The following ZFHX3 variants were observed in gnomAD, a reference collection of about 807,000 sequenced individuals.
The protein encoded by ZFHX3 is zinc finger homeobox protein 3.
A neutral mutation model predicts 279.1 loss-of-function variants in ZFHX3; 42 were observed. That is an observed-to-expected ratio of 0.15 (90% CI 0.12 to 0.19). The LOEUF is 0.19. Ranked by LOEUF, ZFHX3 falls within the 10% of genes least tolerant of loss-of-function variation. ZFHX3 has a pLI of 1.00. For synonymous variants in ZFHX3, 2,293 were observed against 1,957.8 expected (o/e 1.17, Z -4.52); for missense variants, 4,981 against 4,754.0 (o/e 1.05, Z -1.40).
At chr16:73,631,326 A>T (rs2052466862) in intron 2 of ZFHX3, among the ~76,000 whole-genome samples, 1 of 152,216 alleles carries the variant, frequency 6.6e-6, no homozygotes, top group Non-Finnish European at 1.5e-5. Context: ...TGTAGCATAC[A>T]CTGCTTCTGA....
intron 2 of ZFHX3, among the ~76,000 whole-genome samples, chr16:73,619,269 A>G (rs1463605689): frequency 6.6e-6 from 1 of 151,790 alleles, no homozygotes; most frequent in African/African-American, 2.4e-5. Flanking sequence ...CAGGTGGATC[A>G]TGAGGTCAGG....
intron 1 of ZFHX3, among the ~76,000 whole-genome samples, chr16:73,783,036 CAG>C (rs1343382461): frequency 1.3e-5 from 2 of 152,028 alleles, no homozygotes; most frequent in Non-Finnish European, 2.9e-5. Context: ...TGCTAGTTGC[CAG>C]AGAGAGAGGG....
At chr16:73,118,086 T>A (rs982720862) in intron 7 of ZFHX3, among the ~76,000 whole-genome samples, 2 of 152,248 alleles carry the variant, frequency 1.3e-5, no homozygotes, top group Non-Finnish European at 2.9e-5. Context: ...AGAGAATGCA[T>A]GTTCCCATTG....
At chr16:73,848,039 G>A (rs1042742158) in intron 1 of ZFHX3, among the ~76,000 whole-genome samples, 44 of 151,186 alleles carry the variant, frequency 2.9e-4, no homozygotes, top group East Asian at 3.9e-4. Flanking sequence ...GATTACAGGC[G>A]TGAGCCACCG....
intron 1 of ZFHX3, among the ~76,000 whole-genome samples, chr16:73,800,564 C>G (rs1960116703): frequency 6.6e-6 from 1 of 152,078 alleles, no homozygotes; most frequent in Non-Finnish European, 1.5e-5. Context: ...CCTCCTCCTC[C>G]TCCTCTTCCT....
chr16:73,543,869 AGAGAGAGC>A (rs1209093108), intron 2 of ZFHX3: 2 of 148,610 alleles, frequency 1.3e-5, no homozygotes, highest in South Asian at 2.1e-4. Context: ...AGAGAGGGAG[AGAGAGAGC>A]GAGAGAGGGA....
At chr16:73,273,865 G>A (rs1223166838) in intron 4 of ZFHX3, among the ~76,000 whole-genome samples, 3 of 152,174 alleles carry the variant, frequency 2.0e-5, no homozygotes, top group Admixed American at 6.5e-5. Context: ...TTTGTAGGCC[G>A]GATGCGGTGG....
chr16:73,498,782 T>C lies in ZFHX3; in HGVS notation c.-1546-42524A>G, dbSNP rs148677414. ...AGCTCTCGAGCTGGAATGCAGGCTG[T>C]ACCCTGGGGAAGGGGGTTTAACCTG... On this transcript the variant is annotated intron_variant, in intron 2 of 17. Transcript: ENST00000641206. 3.2e-3 allele frequency among the ~76,000 whole-genome samples: 493 copies of C among 152,272 alleles called. 3 individuals carry two copies. The highest frequency in any genetic ancestry group is 0.011 in the African/African-American group (463 of 41,552).
chr16:73,178,391 G>A (rs1319410363), intron 5 of ZFHX3, among the ~76,000 whole-genome samples: 1 of 152,034 alleles, frequency 6.6e-6, no homozygotes, highest in African/African-American at 2.4e-5. Context: ...CGCCTGCCTC[G>A]TACTCCCAAA....
At chr16:72,894,166 A>G (rs907966393) in intron 3 of ZFHX3, among the ~76,000 whole-genome samples, 1 of 141,090 alleles carries the variant, frequency 7.1e-6, no homozygotes, top group South Asian at 2.3e-4. Context: ...AAAAAAAAAA[A>G]TCCAGAATAA....
At chr16:73,110,201 C>CA (rs879747443) in intron 7 of ZFHX3, among the ~76,000 whole-genome samples, 2,358 of 128,920 alleles carry the variant, frequency 0.018, 54 homozygotes, top group East Asian at 0.11. Context: ...GAGACTGTCT[C>CA]AAAAAAAAAA....
intron 1 of ZFHX3, among the ~76,000 whole-genome samples, chr16:73,058,239 TCGG>T (rs1166220874): frequency 1.5e-5 from 2 of 136,196 alleles, no homozygotes; most frequent in African/African-American, 2.7e-5. Context: ...CGGCCCGGGC[TCGG>T]CGGCGGCGGC....
exon 8 of ZFHX3, chr16:73,093,447 T>C: frequency 2.0e-6 from 1 of 493,228 alleles, no homozygotes; most frequent in Non-Finnish European, 4.1e-6. Flanking sequence ...TTCGCTCAGC[T>C]CTTTTGGGGG....
At chr16:73,682,962 G>GA (rs575398750) in intron 1 of ZFHX3, among the ~76,000 whole-genome samples, 1,009 of 24,944 alleles carry the variant, frequency 0.04, 103 homozygotes, top group African/African-American at 0.12. Flanking sequence ...AAGAAAGAAA[G>GA]AAAGAAAGAA....
chr16:73,156,382 A>G (rs113101098), intron 5 of ZFHX3, among the ~76,000 whole-genome samples: 1 of 152,152 alleles, frequency 6.6e-6, no homozygotes, highest in Non-Finnish European at 1.5e-5. Flanking sequence ...GTGGTTTTTA[A>G]AAAAGATGAT....
intron 1 of ZFHX3, among the ~76,000 whole-genome samples, chr16:73,865,970 GC>G (rs1190010500): frequency 1.3e-5 from 2 of 152,020 alleles, no homozygotes; most frequent in African/African-American, 4.8e-5. Context: ...GGGGGACAGA[GC>G]AAGACTCCGT....
At chr16:73,290,386 A>G (rs2014738160) in intron 4 of ZFHX3, among the ~76,000 whole-genome samples, 1 of 152,344 alleles carries the variant, frequency 6.6e-6, no homozygotes, top group South Asian at 2.1e-4. Context: ...ATGAGTTGGC[A>G]TGAAGCAGGT....
At chr16:72,949,204 T>C (rs1163265268) in intron 3 of ZFHX3, among the ~76,000 whole-genome samples, 1 of 152,212 alleles carries the variant, frequency 6.6e-6, no homozygotes, top group Non-Finnish European at 1.5e-5. Context: ...GTCTTCCTTA[T>C]ATGGAATCTC....
chr16:72,889,916 T>G lies in ZFHX3; in HGVS notation c.3263A>C (p.Tyr1088Ser), dbSNP rs201057960. The stretch of plus-strand genomic sequence containing the variant: ...GGAGTAGTTGCACAGAACGCAGTGG[T>G]AGTAGCAGCTCTCACCTTCTACACC... Reference protein sequence around the residue: ...ESGVEGESCYYHCVLCNYSTK... With the variant: ...ESGVEGESCYSHCVLCNYSTK... The change falls in exon 4 of 10, where the codon TAC (tyrosine) becomes TCC (serine). Residue 1088 changes from tyrosine (Y) to serine (S), a missense_variant. Physicochemically the swap from Tyr to Ser is moderately radical, Grantham distance 144. Transcript: ENST00000268489. The G allele has an allele frequency of 1.9e-6, 3 of 1,614,114 alleles. No individual in the cohort carries two copies. Among genetic ancestry groups the G allele is most frequent in the Non-Finnish European group, 2.5e-6 (3 of 1,180,026 alleles).
Sources: gnomAD v4.1 joint callset for allele counts (sites outside exome capture counted in the v4.1 genomes callset) on GRCh38, gnomAD v4.1.1 for gene constraint, MANE v1.5 for transcripts, NCBI Gene and HGNC (gene_info 2026-07-23, HGNC 2026-07-21) for gene names.